ST8SIA6: variants seen among roughly 807,000 people sequenced by gnomAD.
ST8SIA6 encodes alpha-2,8-sialyltransferase 8F.
ST8SIA6 carries 39 observed loss-of-function variants against 33.6 expected under a neutral mutation model. The observed-to-expected ratio is 1.16, with a 90% CI of 0.90 to 1.52. The LOEUF is 1.52. Among genes scored for constraint, ST8SIA6 ranks in the 40% most tolerant of loss-of-function variants. The pLI is 0.00. For missense variants in ST8SIA6, 441 were observed against 443.8 expected (o/e 0.99, Z 0.06); for synonymous variants, 172 against 167.2 (o/e 1.03, Z -0.22).
rs1370987215 is a variant in ST8SIA6, at chr10:17,454,100, G to T, written c.101+55C>A. ...AAGCGATGGGCGGCTTGGGGGTCCGGGGGCGCCAGGCGGGGCGCGCGGCGC... is the reference window on the plus strand; with the variant it reads ...AAGCGATGGGCGGCTTGGGGGTCCGTGGGCGCCAGGCGGGGCGCGCGGCGC... On this transcript the variant is annotated intron_variant, in intron 1 of 7. Coordinates refer to ENST00000377602, the MANE Select transcript of ST8SIA6 (RefSeq NM_001004470.3). This position sits in a 1 kb window ranked among gnomAD's most constrained non-coding sequence, Gnocchi z 4.1. 1 of 255,224 alleles carries T rather than the reference G, an allele frequency of 3.9e-6. No homozygotes were observed. The highest frequency in any genetic ancestry group is 5.5e-5 in the Admixed American group (1 of 18,250). The allele number at this position is 255,224 out of a possible 1,614,324, so 15.8% of individuals were successfully genotyped here. A position where few individuals can be genotyped will look rare whatever the true frequency, so the allele number is the denominator to read the frequency against.
intron 6 of ST8SIA6, among the ~76,000 whole-genome samples, chr10:17,324,460 T>G (rs1389839080): frequency 6.6e-6 from 1 of 152,078 alleles, no homozygotes; most frequent in African/African-American, 2.4e-5. Context: ...ATCTCAGTAG[T>G]GGGCCTCCCA....
chr10:17,429,264 C>T (rs143832785), intron 2 of ST8SIA6, among the ~76,000 whole-genome samples: 10 of 152,154 alleles, frequency 6.6e-5, no homozygotes, highest in Non-Finnish European at 1.5e-4. Flanking sequence ...AACCCCACCA[C>T]CAGCACCCCC....
At chr10:17,424,737 A>G (rs1851881683) in intron 2 of ST8SIA6, among the ~76,000 whole-genome samples, 1 of 151,166 alleles carries the variant, frequency 6.6e-6, no homozygotes, top group East Asian at 1.9e-4. Flanking sequence ...TAACATCATA[A>G]ATTTTTTTTT....
chr10:17,390,274 C>T (rs1407557338), intron 3 of ST8SIA6, among the ~76,000 whole-genome samples: 1 of 152,138 alleles, frequency 6.6e-6, no homozygotes, highest in East Asian at 1.9e-4. Flanking sequence ...TGAGCCACCG[C>T]ACCTGGCCCC....
At chr10:17,420,809 G>A (rs1851758798) in intron 2 of ST8SIA6, among the ~76,000 whole-genome samples, 1 of 152,202 alleles carries the variant, frequency 6.6e-6, no homozygotes, top group African/African-American at 2.4e-5. Context: ...AAGGAAAGAG[G>A]TTTAATTGAC....
At chr10:17,351,918 T>C (rs1237238272) in intron 4 of ST8SIA6, among the ~76,000 whole-genome samples, 1 of 152,050 alleles carries the variant, frequency 6.6e-6, no homozygotes, top group African/African-American at 2.4e-5. Flanking sequence ...GGTCAAAGGG[T>C]ACAAAGTTTC....
At chr10:17,438,903 AC>A (rs776727823) in intron 2 of ST8SIA6, among the ~76,000 whole-genome samples, 10 of 152,226 alleles carry the variant, frequency 6.6e-5, no homozygotes, top group Non-Finnish European at 7.3e-5. Context: ...AATAACTCTT[AC>A]CTTTTGAGCC....
chr10:17,330,843 T>C (rs1230946418), intron 5 of ST8SIA6, among the ~76,000 whole-genome samples: 1 of 152,248 alleles, frequency 6.6e-6, no homozygotes, highest in Non-Finnish European at 1.5e-5. Context: ...AGTGGTTTTA[T>C]ATCATATCAT....
At chr10:17,351,029 A>G (rs1424305368) in intron 4 of ST8SIA6, among the ~76,000 whole-genome samples, 1 of 152,172 alleles carries the variant, frequency 6.6e-6, no homozygotes, top group Non-Finnish European at 1.5e-5. Flanking sequence ...CGAGACCTCA[A>G]TAACTGGAGA....
intron 5 of ST8SIA6, among the ~76,000 whole-genome samples, chr10:17,329,673 G>A (rs1848236313): frequency 6.6e-6 from 1 of 152,150 alleles, no homozygotes; most frequent in African/African-American, 2.4e-5. Flanking sequence ...CTCAAATTAT[G>A]CACTCACAAT....
intron 2 of ST8SIA6, among the ~76,000 whole-genome samples, chr10:17,429,919 T>G (rs1852052106): frequency 6.6e-6 from 1 of 152,200 alleles, no homozygotes; most frequent in South Asian, 2.1e-4. Context: ...ATTTCAATAG[T>G]TTTTGGGGTA....
chr10:17,363,057 A>C (rs1255327494), intron 3 of ST8SIA6, among the ~76,000 whole-genome samples: 1 of 152,166 alleles, frequency 6.6e-6, no homozygotes, highest in Non-Finnish European at 1.5e-5. Context: ...GAGGTCATAA[A>C]CTATTCTGAA....
chr10:17,326,910 CAG>C (rs2131579848), intron 6 of ST8SIA6, 102 bp downstream of exon 6: 1 of 766,150 alleles, frequency 1.3e-6, no homozygotes, highest in South Asian at 2.9e-5. Context: ...ACTTTTGTAA[CAG>C]AGCTCAAAGG....
intron 3 of ST8SIA6, among the ~76,000 whole-genome samples, chr10:17,362,834 C>T (rs992493284): frequency 3.3e-5 from 5 of 152,094 alleles, no homozygotes; most frequent in African/African-American, 1.2e-4. Flanking sequence ...GCCTCAGCCT[C>T]CTGAGTAGCT....
At chr10:17,390,457 A>G in intron 3 of ST8SIA6, 74 bp downstream of exon 3, 1 of 1,275,092 alleles carries the variant, frequency 7.8e-7, no homozygotes, top group Non-Finnish European at 1.1e-6. Context: ...AAATGACTTC[A>G]GAGACACTGT....
chr10:17,405,128 T>C (rs1486093372), intron 2 of ST8SIA6, among the ~76,000 whole-genome samples: 1 of 152,208 alleles, frequency 6.6e-6, no homozygotes, highest in Non-Finnish European at 1.5e-5. Flanking sequence ...TTCTCACTGA[T>C]AATTTAAATT....
At chr10:17,443,028 A>G (rs373357312) in intron 2 of ST8SIA6, among the ~76,000 whole-genome samples, 1 of 152,288 alleles carries the variant, frequency 6.6e-6, no homozygotes. Flanking sequence ...TGTTCCCTAG[A>G]TATAGGAAGC....
At chr10:17,382,518 A>C (rs1026871905) in intron 3 of ST8SIA6, among the ~76,000 whole-genome samples, 84 of 152,190 alleles carry the variant, frequency 5.5e-4, no homozygotes, top group African/African-American at 1.8e-3. Context: ...TGCCGGCCTC[A>C]GCCTCCCAAA....
At chr10:17,366,308 C>T (rs1052131097) in intron 3 of ST8SIA6, among the ~76,000 whole-genome samples, 1 of 152,042 alleles carries the variant, frequency 6.6e-6, no homozygotes. Flanking sequence ...TTTAAATGTC[C>T]CTAAGACAAG....
Sources: gnomAD v4.1 joint callset for allele counts (sites outside exome capture counted in the v4.1 genomes callset) on GRCh38, gnomAD v4.1.1 for gene constraint, Gnocchi (gnomAD v3.1) non-coding constraint, MANE v1.5 for transcripts, NCBI Gene and HGNC (gene_info 2026-07-23, HGNC 2026-07-21) for gene names.